Variants in RAD54L2 observed in about 807,000 individuals in gnomAD.
RAD54L2 encodes helicase ARIP4.
A neutral mutation model predicts 138.4 loss-of-function variants in RAD54L2; 27 were observed. The observed-to-expected ratio is 0.20, with a 90% CI of 0.14 to 0.27. RAD54L2 has a LOEUF of 0.27. RAD54L2 is among the 10% of genes least tolerant of loss of function. The probability of loss-of-function intolerance (pLI) is 1.00; values close to 1 mark genes in which losing one functional copy is unlikely to be tolerated. For synonymous variants in RAD54L2, 644 were observed against 723.2 expected, an observed-to-expected ratio of 0.89 and a Z score of 1.76; for missense variants, 1,396 against 1,890.2, an observed-to-expected ratio of 0.74 and a Z score of 4.85.
intron 3 of RAD54L2, among the ~76,000 whole-genome samples, chr3:51,602,635 G>A (rs1559632509): frequency 6.6e-6 from 1 of 152,190 alleles, no homozygotes; most frequent in Admixed American, 6.5e-5. Flanking sequence ...CATTAGGAAA[G>A]CAATAACAGT....
chr3:51,556,081 G>T (rs1427626013), intron 2 of RAD54L2, among the ~76,000 whole-genome samples: 4 of 151,946 alleles, frequency 2.6e-5, no homozygotes, highest in Non-Finnish European at 5.9e-5. Flanking sequence ...TCCTTTGTAA[G>T]GTCCTCCTAT....
Position 51,662,441 on chromosome 3 carries a change from C to G in RAD54L2, c.3425C>G (p.Ser1142Cys), listed in dbSNP as rs758196153. The change falls in exon 23 of 23, where the codon TCT becomes TGT. Residue 1142 changes from serine to cysteine, a missense_variant. By Grantham distance (112) the Ser-to-Cys change is moderately radical. Around this residue, in one of 7 missense-constraint regions of RAD54L2, gnomAD observed 634 missense variants for 711.2 expected, o/e 0.89. Transcript: ENST00000684192. This position sits in a 1 kb window ranked among gnomAD's most constrained non-coding sequence, Gnocchi z 4.6. ...TTGTCCCCAGGTTCCCAGGGACCTT[C>G]TTGCGAGTCCACAAGCAACGGCAGA... Reference protein sequence around the residue: ...RMAASGSQGPSCESTSNGRHS... With the variant: ...RMAASGSQGPCCESTSNGRHS... The G allele has an allele frequency of 6.5e-7, 1 of 1,528,604 alleles. No homozygotes were observed. The highest frequency in any genetic ancestry group is 2.3e-5 in the East Asian group (1 of 43,400). The allele number at this position is 1,528,604 out of a possible 1,614,324, so 94.7% of individuals were successfully genotyped here.
intron 3 of RAD54L2, among the ~76,000 whole-genome samples, chr3:51,618,134 ATT>A (rs58259844): frequency 2.3e-3 from 256 of 112,064 alleles, no homozygotes; most frequent in African/African-American, 5.0e-3. Flanking sequence ...AATATTTTGT[ATT>A]TTTTTTTTTT....
In RAD54L2 at chr3:51,663,673, G is replaced by A. The variant is rs1322810808; in HGVS notation, c.*253G>A. The A allele has an allele frequency of 4.2e-6, 2 of 478,926 alleles. No individual in the cohort carries two copies. The highest frequency in any genetic ancestry group is 3.8e-5 in the Admixed American group (1 of 26,064). 29.7% of individuals were successfully genotyped at this position (478,926 alleles called of 1,614,324 possible). A position where few individuals can be genotyped will look rare whatever the true frequency, so the allele number is the denominator to read the frequency against. ...AGGGACCCAAAACAGGGATGGAGGG[G>A]CAGTGCAGCCTCTTTTCCTTCCTGC... On this transcript the variant is annotated 3_prime_UTR_variant, in exon 23 of 23. Coordinates refer to ENST00000684192, the MANE Select transcript of RAD54L2 (RefSeq NM_015106.4).
chr3:51,557,649 G>A (rs966541970), intron 2 of RAD54L2, among the ~76,000 whole-genome samples: 15 of 151,766 alleles, frequency 9.9e-5, no homozygotes, highest in African/African-American at 3.6e-4. Flanking sequence ...GATCAACGTG[G>A]TGAAACCCTG....
At chr3:51,551,480 G>A (rs1459340598) in intron 2 of RAD54L2, among the ~76,000 whole-genome samples, 4 of 151,312 alleles carry the variant, frequency 2.6e-5, no homozygotes, top group Non-Finnish European at 5.9e-5. Context: ...TTGTCATCCA[G>A]GCTATAGTGC....
At position 51,663,008 on chromosome 3, in the gene RAD54L2, A is replaced by G. The variant is rs200502790; in HGVS notation, c.3992A>G (p.Asn1331Ser). ...ACCCCCTCCTACTACCAGCTGTCCA[A>G]TTTGCTGGCAGATGCCCGCCTGGTG... is the stretch of plus-strand genomic sequence containing the variant. Reference protein sequence around the residue: ...GSTPSYYQLSNLLADARLVFP... With the variant: ...GSTPSYYQLSSLLADARLVFP... Residue 1331 changes from asparagine (N) to serine (S), a missense_variant, in exon 23 of 23, where the codon AAT becomes AGT. By Grantham distance (46) the Asn-to-Ser change is conservative. Coordinates refer to ENST00000684192, the MANE Select transcript of RAD54L2 (RefSeq NM_015106.4). The G allele has an allele frequency of 3.7e-6, 6 of 1,613,828 alleles. No individual in the cohort carries two copies. The highest frequency in any genetic ancestry group is 3.3e-5 in the South Asian group (3 of 91,074).
chr3:51,659,605 G>A (rs761394366), intron 21 of RAD54L2, among the ~76,000 whole-genome samples: 4 of 152,276 alleles, frequency 2.6e-5, no homozygotes, highest in South Asian at 2.1e-4. Flanking sequence ...CTCCTTCCTC[G>A]CAGATCAAGA....
Position 51,652,541 on chromosome 3 carries a change from C to T in RAD54L2, c.3027-3430C>T, listed in dbSNP as rs373386463. 7.2e-5 allele frequency among the ~76,000 whole-genome samples: 11 copies of T among 152,174 alleles called. No homozygotes were observed. The South Asian group carries it at 8.3e-4, about 11-fold the overall frequency. Reference sequence around the variant, plus strand: ...GACTTCAAACTATACTACAAGGCTACGGTAACCAAAACAGCATGGTACTGG... The same window carrying T: ...GACTTCAAACTATACTACAAGGCTATGGTAACCAAAACAGCATGGTACTGG... On this transcript the variant is annotated intron_variant, in intron 19 of 22. Transcript: ENST00000684192.
At chr3:51,654,842 GT>G (rs1163203089) in intron 19 of RAD54L2, among the ~76,000 whole-genome samples, 2 of 152,312 alleles carry the variant, frequency 1.3e-5, no homozygotes, top group Non-Finnish European at 2.9e-5. Flanking sequence ...ATCCTGCTGA[GT>G]TTTTTTAATC....
chr3:51,609,860 G>A (rs1032978317), intron 3 of RAD54L2, among the ~76,000 whole-genome samples: 6 of 152,014 alleles, frequency 3.9e-5, no homozygotes, highest in African/African-American at 1.4e-4. Context: ...TCCTCTCCTA[G>A]TTTCTTCTTG....
intron 3 of RAD54L2, 57 bp downstream of exon 3, chr3:51,590,616 T>C (rs1699820461): frequency 6.4e-7 from 1 of 1,552,056 alleles, no homozygotes. Flanking sequence ...CAGTGGAATT[T>C]TTGCTGGGAG....
chr3:51,593,626 C>T (rs1181631318), intron 3 of RAD54L2, among the ~76,000 whole-genome samples: 1 of 152,152 alleles, frequency 6.6e-6, no homozygotes, highest in Non-Finnish European at 1.5e-5. Context: ...GCCACTGTGC[C>T]CGGCCACTTC....
At chr3:51,589,665 CAT>C (rs34093585) in intron 2 of RAD54L2, among the ~76,000 whole-genome samples, 2,193 of 127,814 alleles carry the variant, frequency 0.017, 37 homozygotes, top group African/African-American at 0.047. Context: ...GGACTCTATA[CAT>C]ATATATATAT....
chr3:51,642,786 A>C (rs1241222133), intron 15 of RAD54L2, among the ~76,000 whole-genome samples: 2 of 152,134 alleles, frequency 1.3e-5, no homozygotes, highest in Non-Finnish European at 2.9e-5. Context: ...GAAGACCCCC[A>C]GCACAAGGTG....
Position 51,645,689 on chromosome 3 carries a change from T to G in RAD54L2, c.2755T>G (p.Ser919Ala), listed in dbSNP as rs376180725. 9 of 1,612,562 alleles carry G rather than the reference T, an allele frequency of 5.6e-6. No homozygotes were observed. Among genetic ancestry groups the G allele is most frequent in the African/African-American group, 4.0e-5 (3 of 74,922 alleles). ...TGAGAAGGAGCCAGCTCCCCAAGTT[T>G]CCTTGAACGTAAAGGGGATCAAGGA... is the stretch of plus-strand genomic sequence containing the variant. ...FVEKEPAPQV[S>A]LNVKGIKESV... Residue 919 changes from serine to alanine, a missense_variant, in exon 18 of 23, where the codon TCC (serine) becomes GCC (alanine). Transcript: ENST00000684192. The surrounding 1 kb of genome is among the most constrained non-coding windows in gnomAD (Gnocchi z 6.1).
chr3:51,635,829 A>G (rs775453636), intron 10 of RAD54L2, 40 bp downstream of exon 10: 6 of 1,531,422 alleles, frequency 3.9e-6, no homozygotes, highest in Non-Finnish European at 5.3e-6. Context: ...TTGGTGTTTC[A>G]GGAAAAAAGA....
chr3:51,656,072 G>T lies in RAD54L2; in HGVS notation c.3128G>T (p.Ser1043Ile), dbSNP rs201787280. 1 of 1,614,024 alleles carries T rather than the reference G, an allele frequency of 6.2e-7. No individual in the cohort carries two copies. The highest frequency in any genetic ancestry group is 8.5e-7 in the Non-Finnish European group (1 of 1,179,898). The change falls in exon 20 of 23, where the codon AGT becomes ATT. Residue 1043 changes from serine to isoleucine, a missense_variant. By Grantham distance (142) the Ser-to-Ile change is moderately radical. Transcript: ENST00000684192. ...CCCCGGCATGTCCCATTGGGAGGAA[G>T]TGTAAGCTCTGCCTCCAGCACAAAT... ...MMPRHVPLGGSVSSASSTNPS... is the reference protein window; with the variant it reads ...MMPRHVPLGGIVSSASSTNPS...
chr3:51,641,996 G>C lies in RAD54L2; in HGVS notation c.2350+129G>C, dbSNP rs894727974. The stretch of plus-strand genomic sequence containing the variant: ...AATATTTGTGATTAGTCAAGGAGCA[G>C]GGGGATACTAAGAGCCAGCTGTTGT... On this transcript the variant is annotated intron_variant, in intron 15 of 22. Transcript: ENST00000684192. The C allele has an allele frequency of 7.1e-5, 49 of 686,440 alleles. No homozygotes were observed. The African/African-American group carries it at 8.7e-4, about 12-fold the overall frequency. 42.5% of individuals were successfully genotyped at this position (686,440 alleles called of 1,614,324 possible).
Sources: allele counts gnomAD v4.1 joint callset (sites outside exome capture counted in the v4.1 genomes callset), GRCh38; gene constraint gnomAD v4.1.1; regional missense constraint gnomAD v4.1.1; non-coding constraint Gnocchi (gnomAD v3.1); transcripts MANE v1.5; gene names NCBI Gene and HGNC (gene_info 2026-07-23, HGNC 2026-07-21).